Variants in SCAMP1 observed in about 807,000 individuals in gnomAD.
SCAMP1 encodes secretory carrier membrane protein 1.
In SCAMP1, 15 loss-of-function variants were observed where a neutral mutation model predicts 41.8. The ratio of observed to expected loss-of-function variants is 0.36; its 90% CI spans 0.24 to 0.55. The LOEUF is 0.55. SCAMP1 is among the 20% of genes least tolerant of loss of function. The pLI, the probability that SCAMP1 is intolerant of heterozygous loss-of-function variation, is 0.86. For synonymous variants in SCAMP1, 135 were observed against 136.8 expected, an observed-to-expected ratio of 0.99 and a Z score of 0.09; for missense variants, 341 against 412.6, an observed-to-expected ratio of 0.83 and a Z score of 1.50.
At chr5:78,457,443 C>T (rs1216277141) in intron 7 of SCAMP1, among the ~76,000 whole-genome samples, 5 of 151,976 alleles carry the variant, frequency 3.3e-5, no homozygotes, top group South Asian at 4.1e-4. Context: ...AATACCCTGT[C>T]GTGTAAGGTG....
At position 78,425,174 on chromosome 5, in the gene SCAMP1, GC is replaced by G. The variant is rs562484612; in HGVS notation, c.632+3216del. ...TTTCTTATAGATTATATTTTACAGA[GC>G]CATTATTTGTAGCTTTGAAGACAAT... On this transcript the variant is annotated intron_variant, in intron 6 of 8. Transcript: ENST00000621999. 1.1e-3 allele frequency among the ~76,000 whole-genome samples: 163 copies of G among 152,180 alleles called. 1 individual carries two copies. The highest frequency in any genetic ancestry group is 3.8e-3 in the African/African-American group (158 of 41,522).
At chr5:78,432,536 G>A (rs1417830158) in intron 6 of SCAMP1, among the ~76,000 whole-genome samples, 6 of 151,946 alleles carry the variant, frequency 3.9e-5, no homozygotes, top group Non-Finnish European at 8.8e-5. Context: ...ATTTTCATCC[G>A]TTCTGGCTTG....
intron 2 of SCAMP1, among the ~76,000 whole-genome samples, chr5:78,390,553 A>G (rs1210164743): frequency 1.3e-5 from 2 of 152,216 alleles, no homozygotes; most frequent in African/African-American, 2.4e-5. Flanking sequence ...GGCAAATTAT[A>G]TTCCACTGTA....
At chr5:78,362,896 T>C (rs983032033) in intron 1 of SCAMP1, among the ~76,000 whole-genome samples, 19 of 41,486 alleles carry the variant, frequency 4.6e-4, no homozygotes, top group African/African-American at 1.2e-3. Context: ...CTTTTTTTAC[T>C]TTTTTTTTTT....
At chr5:78,435,393 A>G (rs1044334306) in intron 6 of SCAMP1, among the ~76,000 whole-genome samples, 2 of 151,756 alleles carry the variant, frequency 1.3e-5, no homozygotes, top group African/African-American at 4.8e-5. Context: ...CCAGCCCCCA[A>G]CCCCTCATTG....
intron 5 of SCAMP1, among the ~76,000 whole-genome samples, 174 bp from the exon 6 acceptor site, chr5:78,421,627 T>C (rs1330589846): frequency 1.3e-5 from 2 of 152,238 alleles, no homozygotes; most frequent in Admixed American, 1.3e-4. Flanking sequence ...GTGTATACTC[T>C]GTTTTCAAAT....
At chr5:78,366,082 C>A (rs943634197) in intron 1 of SCAMP1, among the ~76,000 whole-genome samples, 1 of 151,750 alleles carries the variant, frequency 6.6e-6, no homozygotes, top group Non-Finnish European at 1.5e-5. Flanking sequence ...TCATTGATGG[C>A]ATCTTCTTTG....
rs1044341369 is a variant in SCAMP1, at chr5:78,480,497, G to A, written c.*4829G>A. On this transcript the variant is annotated 3_prime_UTR_variant, in exon 9 of 9. Transcript: ENST00000621999. ...ATTGTAGTAGTTGTTACTGTTGGCAGTTTGTAGTAGTATTCAGGTATTTTG... is the reference window on the plus strand; with the variant it reads ...ATTGTAGTAGTTGTTACTGTTGGCAATTTGTAGTAGTATTCAGGTATTTTG... Among the ~76,000 whole-genome samples, 2 of 152,172 alleles carry A rather than the reference G, an allele frequency of 1.3e-5. No homozygotes were observed. Among genetic ancestry groups the A allele is most frequent in the Non-Finnish European group, 1.5e-5 (1 of 68,026 alleles).
chr5:78,460,569 T>C (rs1242220710), intron 8 of SCAMP1, among the ~76,000 whole-genome samples: 1 of 142,266 alleles, frequency 7.0e-6, no homozygotes, highest in East Asian at 2.1e-4. Context: ...TCTGTTGATA[T>C]CCTTTGCCTA....
intron 5 of SCAMP1, among the ~76,000 whole-genome samples, chr5:78,421,596 T>G (rs1752340861): frequency 6.6e-6 from 1 of 152,192 alleles, no homozygotes; most frequent in Admixed American, 6.5e-5. Context: ...AAACAGTACA[T>G]GTATTAAGAC....
intron 6 of SCAMP1, among the ~76,000 whole-genome samples, chr5:78,446,524 A>G (rs1753056415): frequency 1.3e-5 from 2 of 152,106 alleles, no homozygotes; most frequent in South Asian, 4.1e-4. Context: ...ATATTAAGTT[A>G]TATTCTTCAT....
At chr5:78,385,832 C>A (rs559016485) in intron 1 of SCAMP1, among the ~76,000 whole-genome samples, 30 of 151,800 alleles carry the variant, frequency 2.0e-4, no homozygotes, top group Non-Finnish European at 3.5e-4. Flanking sequence ...TTTTGATTTC[C>A]TTATATTTGT....
rs1433266672 is a variant in SCAMP1, at chr5:78,478,047, A to G, written c.*2379A>G. 1 of 152,568 alleles carries G rather than the reference A, an allele frequency of 6.6e-6. No homozygotes were observed. Among genetic ancestry groups the G allele is most frequent in the Non-Finnish European group, 1.5e-5 (1 of 67,998 alleles). The allele number at this position is 152,568 out of a possible 1,614,324, so 9.5% of individuals were successfully genotyped here. On this transcript the variant is annotated 3_prime_UTR_variant, in exon 9 of 9. Coordinates refer to ENST00000621999, the MANE Select transcript of SCAMP1 (RefSeq NM_004866.6). ...CAATTTTATTTCAAACTAAAGTTTG[A>G]ACACCGGAAAGTCATTACTCAGTGA...
rs191244268 is a variant in SCAMP1, at chr5:78,392,701, T to C, written c.135+3787T>C. Among the ~76,000 whole-genome samples the C allele has an allele frequency of 1.4e-4, 21 of 152,358 alleles. No individual in the cohort carries two copies. The East Asian group carries it at 3.5e-3, about 25-fold the overall frequency. On this transcript the variant is annotated intron_variant, in intron 2 of 8. Transcript: ENST00000621999. ...GGTGTCAGAACCAGGAAAATTCTTA[T>C]GATAATTGGGTGCATTTTCCTCTGC...
intron 1 of SCAMP1, among the ~76,000 whole-genome samples, chr5:78,372,485 C>T (rs1481422015): frequency 2.0e-5 from 3 of 152,080 alleles, no homozygotes; most frequent in Non-Finnish European, 4.4e-5. Flanking sequence ...AGGGATTCAT[C>T]CCCTGCTAGC....
chr5:78,415,644 T>A, intron 3 of SCAMP1, 26 bp downstream of exon 3: 1 of 1,352,106 alleles, frequency 7.4e-7, no homozygotes, highest in Non-Finnish European at 1.0e-6. Flanking sequence ...TTGTATAAAT[T>A]CATATTGGCC....
chr5:78,369,405 C>T (rs1054843126), intron 1 of SCAMP1, among the ~76,000 whole-genome samples: 1 of 152,102 alleles, frequency 6.6e-6, no homozygotes, highest in Non-Finnish European at 1.5e-5. Context: ...TCGTGCCCGG[C>T]CAGGACACAT....
At chr5:78,361,088 T>G in intron 1 of SCAMP1, 1 of 219,464 alleles carries the variant, frequency 4.6e-6, no homozygotes. Context: ...CAAGTGTGGC[T>G]GGCAGGGCCG....
At chr5:78,409,661 T>C (rs1014924538) in intron 2 of SCAMP1, among the ~76,000 whole-genome samples, 21 of 152,208 alleles carry the variant, frequency 1.4e-4, no homozygotes, top group Non-Finnish European at 2.6e-4. Flanking sequence ...ATTAGATTTA[T>C]ATCAGTGCTA....
Sources: allele counts gnomAD v4.1 joint callset (sites outside exome capture counted in the v4.1 genomes callset), GRCh38; gene constraint gnomAD v4.1.1; transcripts MANE v1.5; gene names NCBI Gene and HGNC (gene_info 2026-07-23, HGNC 2026-07-21).